Variants in COL5A3 observed in about 807,000 individuals in gnomAD.
COL5A3 encodes the protein collagen alpha-3(V) chain.
In COL5A3, 172 loss-of-function variants were observed where a neutral mutation model predicts 250.0. The ratio of observed to expected loss-of-function variants is 0.69; its 90% confidence interval spans 0.61 to 0.78. The LOEUF (loss-of-function observed/expected upper bound fraction) is 0.78. Among genes scored for constraint, COL5A3 ranks in the 30% least tolerant of loss-of-function variants. COL5A3 has a pLI of 0.00. For synonymous variants in COL5A3, 937 were observed against 900.4 expected, an observed-to-expected ratio of 1.04 and a Z score of -0.73; for missense variants, 2,340 against 2,334.4, an observed-to-expected ratio of 1.00 and a Z score of -0.05.
chr19:9,969,973 A>C, intron 54 of COL5A3, 51 bp from the exon 55 acceptor site: 2 of 1,422,676 alleles, frequency 1.4e-6, no homozygotes, highest in Non-Finnish European at 1.9e-6. Context: ...TGAGGGTCAG[A>C]GGGGTGAGTG....
intron 45 of COL5A3, among the ~76,000 whole-genome samples, chr19:9,974,834 G>A (rs2086897596): frequency 6.6e-6 from 1 of 152,044 alleles, no homozygotes; most frequent in African/African-American, 2.4e-5. Flanking sequence ...TCTGGGTCAG[G>A]GCTTGGTTAA....
intron 19 of COL5A3, 92 bp downstream of exon 19, chr19:9,993,288 G>T: frequency 7.1e-7 from 1 of 1,412,226 alleles, no homozygotes; most frequent in Non-Finnish European, 1.0e-6. Flanking sequence ...TCTCAAGCTG[G>T]CCACTGAGAC....
intron 29 of COL5A3, 58 bp from the exon 30 acceptor site, chr19:9,986,480 C>T: frequency 6.2e-7 from 1 of 1,602,848 alleles, no homozygotes; most frequent in South Asian, 1.1e-5. Flanking sequence ...CTCTGTCTAG[C>T]CCCAGCTCAT....
In COL5A3 at chr19:9,993,595, G is replaced by C. The variant is rs200301039; in HGVS notation, c.1695+24C>G. On this transcript the variant is annotated intron_variant, in intron 18 of 66. Coordinates refer to ENST00000264828, the MANE Select transcript of COL5A3 (RefSeq NM_015719.4). The stretch of plus-strand genomic sequence containing the variant: ...AATATTGGGAGGAGGGCTTAGACTT[G>C]GGGGAGGGACCTCACACACTCACCC... The C allele has an allele frequency of 1.3e-3, 2,063 of 1,612,762 alleles. 1 individual carries two copies. The highest frequency in any genetic ancestry group is 1.6e-3 in the Non-Finnish European group (1,916 of 1,179,030).
intron 27 of COL5A3, among the ~76,000 whole-genome samples, chr19:9,988,160 G>A (rs1450562146): frequency 6.6e-6 from 1 of 152,176 alleles, no homozygotes; most frequent in Admixed American, 6.5e-5. Context: ...CTTGAACCTG[G>A]GAGGCAGAGG....
rs142991996 is a variant in COL5A3 at position 9,991,874 on chromosome 19, G to A, written c.1894-33C>T. 5.0e-6 allele frequency: 8 copies of A among 1,605,988 alleles called. No individual in the cohort carries two copies. The African/African-American group carries it at 1.1e-4, about 21-fold the overall frequency. ...GAAAGTGGGGTTTCAGTGAAGCTAAGAGGGGTCATGGTGTTGGGGCGTTAG... is the reference window on the plus strand; with the variant it reads ...GAAAGTGGGGTTTCAGTGAAGCTAAAAGGGGTCATGGTGTTGGGGCGTTAG... On this transcript the variant is annotated intron_variant, in intron 22 of 66. Transcript: ENST00000264828.
Sources: gnomAD v4.1 joint callset for allele counts (sites outside exome capture counted in the v4.1 genomes callset) on GRCh38, gnomAD v4.1.1 for gene constraint, MANE v1.5 for transcripts, NCBI Gene and HGNC (gene_info 2026-07-23, HGNC 2026-07-21) for gene names.